The following RUBCNL variants were observed in gnomAD, a reference collection of about 807,000 sequenced individuals.
RUBCNL encodes rubicon like autophagy enhancer.
RUBCNL carries 62 observed loss-of-function variants against 69.5 expected under a neutral mutation model. The ratio of observed to expected loss-of-function variants is 0.89; its 90% CI spans 0.73 to 1.10. The LOEUF (loss-of-function observed/expected upper bound fraction) is 1.10, where lower values mean the gene tolerates loss of function less well. RUBCNL is among the 50% of genes least tolerant of loss of function. The pLI, the probability that RUBCNL is intolerant of heterozygous loss-of-function variation, is 0.00. For missense variants in RUBCNL, 768 were observed against 798.1 expected (o/e 0.96, Z 0.45); for synonymous variants, 291 against 303.6 (o/e 0.96, Z 0.43).
chr13:46,354,966 C>A, intron 10 of RUBCNL: 1 of 380,542 alleles, frequency 2.6e-6, no homozygotes, highest in South Asian at 1.9e-5. Context: ...AGTGGTTAAC[C>A]AAAGAGACAT....
rs2048122343 is a variant in RUBCNL, at chr13:46,339,015, C to T, written c.*4370G>A. On this transcript the variant is annotated 3_prime_UTR_variant, in exon 15 of 15. Coordinates refer to ENST00000429979, the MANE Select transcript of RUBCNL (RefSeq NM_025113.5). The stretch of plus-strand genomic sequence containing the variant: ...GAACTGAGATCACGCCAACTGCACT[C>T]CAGCCTGGGCGACAGAGCGAGACCC... Among the ~76,000 whole-genome samples the T allele has an allele frequency of 6.6e-6, 1 of 151,180 alleles. No individual in the cohort carries two copies.
intron 9 of RUBCNL, among the ~76,000 whole-genome samples, chr13:46,358,477 T>A (rs1446686591): frequency 6.6e-6 from 1 of 152,274 alleles, no homozygotes; most frequent in Non-Finnish European, 1.5e-5. Context: ...CTTTTTTGCA[T>A]AATCTTAGTT....
intron 3 of RUBCNL, among the ~76,000 whole-genome samples, chr13:46,370,252 T>C (rs1283885345): frequency 6.6e-6 from 1 of 152,144 alleles, no homozygotes; most frequent in African/African-American, 2.4e-5. Context: ...TAAAGGAAGG[T>C]GAAAGTGCTT....
rs183819281 is a variant in RUBCNL at position 46,351,057 on chromosome 13, G to C, written c.1331-706C>G. On this transcript the variant is annotated intron_variant, in intron 10 of 14. Coordinates refer to ENST00000429979, the MANE Select transcript of RUBCNL (RefSeq NM_025113.5). ...ATGGGAGGACTGCTTGAGCCCAGGAGTTCAAGACCAGCGTGGGCAACATAG... is the reference window on the plus strand; with the variant it reads ...ATGGGAGGACTGCTTGAGCCCAGGACTTCAAGACCAGCGTGGGCAACATAG... The C allele has an allele frequency of 5.9e-5, 9 of 152,174 alleles. No individual in the cohort carries two copies. In the East Asian group the frequency reaches 1.4e-3, roughly 23 times the overall value. 9.4% of individuals were successfully genotyped at this position (152,174 alleles called of 1,614,324 possible). A position where few individuals can be genotyped will look rare whatever the true frequency, so the allele number is the denominator to read the frequency against.
chr13:46,372,642 G>C, intron 2 of RUBCNL, 45 bp from the exon 3 acceptor site: 2 of 1,417,556 alleles, frequency 1.4e-6, no homozygotes, highest in Non-Finnish European at 1.8e-6. Context: ...GAATTCAATT[G>C]TATTTTGGCT....
chr13:46,360,734 C>A (rs1199239499), intron 8 of RUBCNL, among the ~76,000 whole-genome samples: 2 of 152,228 alleles, frequency 1.3e-5, no homozygotes, highest in African/African-American at 4.8e-5. Context: ...ATGTTCTCTA[C>A]CCTCAGAAGG....
chr13:46,377,912 A>C lies in RUBCNL; in HGVS notation c.-145T>G, dbSNP rs754613483. The C allele has an allele frequency of 6.2e-7, 1 of 1,609,214 alleles. No homozygotes were observed. The highest frequency in any genetic ancestry group is 8.5e-7 in the Non-Finnish European group (1 of 1,177,806). Reference sequence around the variant, plus strand: ...CACCAGGAGTATGAATTTCTCGAAGAGGCAGATTGACACAGAGGAGAAAGT... The same window carrying C: ...CACCAGGAGTATGAATTTCTCGAAGCGGCAGATTGACACAGAGGAGAAAGT... On this transcript the variant is annotated 5_prime_UTR_variant, in exon 2 of 15. Coordinates refer to ENST00000429979, the MANE Select transcript of RUBCNL (RefSeq NM_025113.5).
Position 46,339,281 on chromosome 13 carries a change from C to T in RUBCNL, c.*4104G>A, listed in dbSNP as rs674754. Among the ~76,000 whole-genome samples the T allele has an allele frequency of 0.31, 47,020 of 151,916 alleles. 7,466 individuals are homozygous for T. The highest frequency in any genetic ancestry group is 0.36 in the Middle Eastern group (106 of 294). On this transcript the variant is annotated 3_prime_UTR_variant, in exon 15 of 15. Transcript: ENST00000429979. The stretch of plus-strand genomic sequence containing the variant: ...CTAGTGAAGTGAAAAAGGGGAACTA[C>T]GGTTTTCCTTCCCATACCAGTTGAG...
At chr13:46,356,921 GTC>G (rs1264674385) in intron 9 of RUBCNL, among the ~76,000 whole-genome samples, 2 of 149,544 alleles carry the variant, frequency 1.3e-5, no homozygotes, top group African/African-American at 4.9e-5. Context: ...TAGAGATAGG[GTC>G]TCTCTATGTT....
intron 10 of RUBCNL, among the ~76,000 whole-genome samples, chr13:46,352,977 TGA>T (rs750696764): frequency 3.2e-4 from 48 of 152,262 alleles, no homozygotes; most frequent in Non-Finnish European, 5.6e-4. Flanking sequence ...CCTATTTCAC[TGA>T]TGAAAGCACA....
chr13:46,359,313 A>G (rs1594151580), intron 9 of RUBCNL, among the ~76,000 whole-genome samples, 173 bp downstream of exon 9: 1 of 142,004 alleles, frequency 7.0e-6, no homozygotes, highest in Non-Finnish European at 1.5e-5. Flanking sequence ...AAACAAGAGG[A>G]AAAAAAAAAA....
intron 5 of RUBCNL, among the ~76,000 whole-genome samples, chr13:46,363,735 C>T (rs558892981): frequency 4.0e-5 from 6 of 151,654 alleles, no homozygotes; most frequent in Non-Finnish European, 8.8e-5. Flanking sequence ...CCGGCCAGCA[C>T]CTGTAGTCCC....
At chr13:46,370,847 T>G (rs1310334014) in intron 3 of RUBCNL, among the ~76,000 whole-genome samples, 1 of 151,556 alleles carries the variant, frequency 6.6e-6, no homozygotes, top group Non-Finnish European at 1.5e-5. Context: ...AATCTCTCAC[T>G]TAGCCACTAC....
chr13:46,372,591 A>G lies in RUBCNL; in HGVS notation c.-116T>C. The stretch of plus-strand genomic sequence containing the variant: ...CACATGGCCAGCTGGGGGTCTGGAG[A>G]GCTATTCTGCAATGAGCAAGGAATC... On this transcript the variant is annotated 5_prime_UTR_variant, in exon 3 of 15. Coordinates refer to ENST00000429979, the MANE Select transcript of RUBCNL (RefSeq NM_025113.5). 6.8e-7 allele frequency: 1 copy of G among 1,462,278 alleles called. No individual in the cohort carries two copies. The highest frequency in any genetic ancestry group is 9.0e-7 in the Non-Finnish European group (1 of 1,107,060). The allele number at this position is 1,462,278 out of a possible 1,614,324, so 90.6% of individuals were successfully genotyped here. A position where few individuals can be genotyped will look rare whatever the true frequency, so the allele number is the denominator to read the frequency against.
At chr13:46,371,549 TCAC>T (rs2048874895) in intron 3 of RUBCNL, among the ~76,000 whole-genome samples, 1 of 152,182 alleles carries the variant, frequency 6.6e-6, no homozygotes, top group Admixed American at 6.5e-5. Flanking sequence ...TGAAGTGACT[TCAC>T]CACCTACTAG....
At chr13:46,387,773 C>A, upstream of RUBCNL, 1 of 985,766 alleles carries the variant, frequency 1.0e-6, no homozygotes. Context: ...GTTAGTTTAG[C>A]CTTCACTGTC....
intron 9 of RUBCNL, 132 bp downstream of exon 9, chr13:46,359,349 ACTTTC>A: frequency 1.5e-6 from 1 of 650,082 alleles, no homozygotes; most frequent in Non-Finnish European, 2.3e-6. Context: ...AATACAGCCA[ACTTTC>A]CTTTCCCTAA....
intron 10 of RUBCNL, among the ~76,000 whole-genome samples, chr13:46,352,793 C>G (rs2476667): frequency 6.7e-6 from 1 of 150,118 alleles, no homozygotes; most frequent in African/African-American, 2.5e-5. Flanking sequence ...GGGCAACAAG[C>G]GTGAAACTCC....
intron 1 of RUBCNL, among the ~76,000 whole-genome samples, chr13:46,382,756 C>T (rs917924213): frequency 2.6e-5 from 4 of 152,020 alleles, no homozygotes; most frequent in African/African-American, 4.8e-5. Flanking sequence ...AGGCTAGTCT[C>T]GATCTCCTGA....
Sources: gnomAD v4.1 joint callset for allele counts (sites outside exome capture counted in the v4.1 genomes callset) on GRCh38, gnomAD v4.1.1 for gene constraint, MANE v1.5 for transcripts, NCBI Gene and HGNC (gene_info 2026-07-23, HGNC 2026-07-21) for gene names.